The following STK3 variants were observed in gnomAD, a reference collection of about 807,000 sequenced individuals.
STK3 encodes serine/threonine kinase 3.
STK3 carries 41 observed loss-of-function variants against 58.0 expected under a neutral mutation model. That is an observed-to-expected ratio of 0.71 (90% confidence interval 0.55 to 0.92). The LOEUF (loss-of-function observed/expected upper bound fraction) is 0.92, where lower values mean the gene tolerates loss of function less well. Among genes scored for constraint, STK3 ranks in the 40% least tolerant of loss-of-function variants. STK3 has a pLI of 0.00. For synonymous variants in STK3, 170 were observed against 191.0 expected, an observed-to-expected ratio of 0.89 and a Z score of 0.91; for missense variants, 479 against 602.7, an observed-to-expected ratio of 0.79 and a Z score of 2.15.
At chr8:98,389,007 G>T (rs1817820361), upstream of STK3, among the ~76,000 whole-genome samples, 1 of 152,172 alleles carries the variant, frequency 6.6e-6, no homozygotes, top group South Asian at 2.1e-4. Context: ...TTAAGTCATT[G>T]TGAAAATATG....
chr8:98,504,914 TTCC>T (rs561821147), intron 10 of STK3, among the ~76,000 whole-genome samples: 38 of 152,196 alleles, frequency 2.5e-4, no homozygotes, highest in Non-Finnish European at 5.1e-4. Flanking sequence ...TTCTCTATAT[TTCC>T]TGAATTTGAA....
chr8:98,764,833 A>G (rs1441822914), intron 3 of STK3, among the ~76,000 whole-genome samples: 2 of 151,022 alleles, frequency 1.3e-5, no homozygotes, highest in East Asian at 2.0e-4. Flanking sequence ...AACTCAGGTA[A>G]GAGACTGGAG....
At chr8:98,424,679 G>A (rs1168958518) in intron 3 of STK3, among the ~76,000 whole-genome samples, 4 of 152,224 alleles carry the variant, frequency 2.6e-5, no homozygotes, top group African/African-American at 9.6e-5. Flanking sequence ...ACAGAAGGAG[G>A]CGGGCAGATA....
intron 1 of STK3, among the ~76,000 whole-genome samples, chr8:98,797,595 A>G (rs1833258421): frequency 1.3e-5 from 2 of 152,208 alleles, no homozygotes; most frequent in Admixed American, 1.3e-4. Context: ...AATGTTCTAA[A>G]TCTTGATTTG....
chr8:98,642,153 T>C (rs938069965), intron 6 of STK3, among the ~76,000 whole-genome samples: 1 of 152,180 alleles, frequency 6.6e-6, no homozygotes, highest in Non-Finnish European at 1.5e-5. Context: ...TTCTCATTCA[T>C]ATGTGAGAGC....
intron 6 of STK3, chr8:98,651,401 C>G (rs990708045): frequency 1.3e-5 from 2 of 152,330 alleles, no homozygotes; most frequent in African/African-American, 4.8e-5. Flanking sequence ...GAAAACAGAG[C>G]AGAAAAACTG....
At chr8:98,925,762 A>C (rs1289040303) in intron 1 of STK3, among the ~76,000 whole-genome samples, 1 of 152,178 alleles carries the variant, frequency 6.6e-6, no homozygotes, top group Non-Finnish European at 1.5e-5. Context: ...TGGAATTACC[A>C]TCCCTGGAAA....
intron 6 of STK3, among the ~76,000 whole-genome samples, chr8:98,661,213 T>G (rs187473083): frequency 3.3e-5 from 5 of 151,626 alleles, no homozygotes; most frequent in African/African-American, 1.2e-4. Context: ...ATATTTCACT[T>G]CTAGAATAGA....
At chr8:98,754,329 G>A (rs11778767) in intron 3 of STK3, among the ~76,000 whole-genome samples, 45,845 of 151,834 alleles carry the variant, frequency 0.3, 7,791 homozygotes, top group Admixed American at 0.43. Flanking sequence ...AGGGAGTAGC[G>A]TTCCTACACC....
At chr8:98,925,489 TAC>T (rs1216737283) in intron 1 of STK3, among the ~76,000 whole-genome samples, 13 of 152,256 alleles carry the variant, frequency 8.5e-5, no homozygotes, top group Admixed American at 8.5e-4. Context: ...CTCACTCATT[TAC>T]CTGAGGGACT....
intron 6 of STK3, among the ~76,000 whole-genome samples, chr8:98,701,138 C>A (rs897896993): frequency 6.8e-6 from 1 of 147,592 alleles, no homozygotes; most frequent in African/African-American, 2.5e-5. Flanking sequence ...CCACTGCACT[C>A]CTTCCTGCCT....
At chr8:98,610,481 A>G (rs545126981) in intron 6 of STK3, among the ~76,000 whole-genome samples, 1 of 152,268 alleles carries the variant, frequency 6.6e-6, no homozygotes, top group Admixed American at 6.5e-5. Context: ...GCATCCATTG[A>G]TTTTCTTTCT....
chr8:98,557,236 A>G lies in STK3; in HGVS notation c.949-9075T>C, dbSNP rs1438890819. 2.0e-5 allele frequency among the ~76,000 whole-genome samples: 3 copies of G among 152,100 alleles called. No homozygotes were observed. The East Asian group carries it at 5.8e-4, about 29-fold the overall frequency. ...AACATGTTAACCTAGGTCGATAAAT[A>G]TATTTTAATCACTGAGTTAGAAAGG... On this transcript the variant is annotated intron_variant, in intron 8 of 10. Coordinates refer to ENST00000419617, the MANE Select transcript of STK3 (RefSeq NM_006281.4).
intron 1 of STK3, among the ~76,000 whole-genome samples, chr8:98,789,890 T>G (rs1183814895): frequency 6.6e-6 from 1 of 151,544 alleles, no homozygotes; most frequent in Non-Finnish European, 1.5e-5. Flanking sequence ...TAGCTGGGCG[T>G]GGTGGTAAGC....
chr8:98,735,929 A>G (rs1450474678), intron 4 of STK3, among the ~76,000 whole-genome samples: 1 of 152,188 alleles, frequency 6.6e-6, no homozygotes, highest in Non-Finnish European at 1.5e-5. Flanking sequence ...ACAATCAGAT[A>G]ATTTGTTTTA....
At chr8:98,686,719 G>C (rs1824027276) in intron 6 of STK3, among the ~76,000 whole-genome samples, 1 of 152,076 alleles carries the variant, frequency 6.6e-6, no homozygotes, top group Admixed American at 6.5e-5. Flanking sequence ...AGACGGCACA[G>C]TTATTTTAAG....
chr8:98,354,932 C>T, the STK3 span, among the ~76,000 whole-genome samples: 1 of 152,152 alleles, frequency 6.6e-6, no homozygotes, highest in Admixed American at 6.5e-5. Context: ...CGCCTGCAAC[C>T]ACGCCTGGCT....
chr8:98,418,919 T>C (rs1044390871), intron 3 of STK3, among the ~76,000 whole-genome samples: 1 of 152,196 alleles, frequency 6.6e-6, no homozygotes, highest in Non-Finnish European at 1.5e-5. Context: ...AGTCAGTGCA[T>C]TTAGAGCAGT....
At chr8:98,738,393 A>C (rs1273978246) in intron 4 of STK3, among the ~76,000 whole-genome samples, 1 of 152,178 alleles carries the variant, frequency 6.6e-6, no homozygotes, top group Admixed American at 6.5e-5. Context: ...GAATCACTTG[A>C]ATCTGGGAGG....
Sources: allele counts gnomAD v4.1 joint callset (sites outside exome capture counted in the v4.1 genomes callset), GRCh38; gene constraint gnomAD v4.1.1; transcripts MANE v1.5; gene names NCBI Gene and HGNC (gene_info 2026-07-23, HGNC 2026-07-21).